The following METTL15 variants were observed in gnomAD, a reference collection of about 807,000 sequenced individuals.
METTL15 encodes methyltransferase 15, mitochondrial 12S rRNA N4-cytidine, also known as 12S rRNA N(4)-cytidine methyltransferase METTL15.
Under a neutral mutation model 38.3 loss-of-function variants are expected in METTL15, and 34 were observed. The observed-to-expected ratio is 0.89, with a 90% CI of 0.68 to 1.18. The LOEUF (loss-of-function observed/expected upper bound fraction) is 1.18, where lower values mean the gene tolerates loss of function less well. Among genes scored for constraint, METTL15 ranks in the 50% most tolerant of loss-of-function variants. METTL15 has a pLI of 0.00. For missense variants in METTL15, 438 were observed against 498.4 expected (o/e 0.88, Z 1.15); for synonymous variants, 162 against 170.9 (o/e 0.95, Z 0.41).
intron 6 of METTL15, among the ~76,000 whole-genome samples, chr11:28,299,118 C>T (rs1028083972): frequency 2.0e-5 from 3 of 152,172 alleles, no homozygotes; most frequent in African/African-American, 7.2e-5. Context: ...TTGATAAAAG[C>T]AGATAACTAT....
intron 6 of METTL15, among the ~76,000 whole-genome samples, chr11:28,499,675 G>A (rs1435421747): frequency 2.0e-5 from 3 of 151,768 alleles, no homozygotes; most frequent in Middle Eastern, 3.4e-3. Flanking sequence ...ATCACTTTGA[G>A]TTATGGCCTC....
chr11:28,179,684 G>A (rs1162101062), intron 3 of METTL15, among the ~76,000 whole-genome samples: 1 of 151,690 alleles, frequency 6.6e-6, no homozygotes, highest in Non-Finnish European at 1.5e-5. Flanking sequence ...TGGGCTTGTG[G>A]ATATTTTCTA....
chr11:28,502,100 CA>C (rs371738355), intron 6 of METTL15, among the ~76,000 whole-genome samples: 99 of 121,004 alleles, frequency 8.2e-4, no homozygotes, highest in Middle Eastern at 4.3e-3. Flanking sequence ...GACTCTGTCT[CA>C]AAAAAAAAAA....
chr11:28,163,463 C>G, intron 3 of METTL15: 1 of 398,096 alleles, frequency 2.5e-6, no homozygotes, highest in Non-Finnish European at 4.4e-6. Context: ...GTAACTCTCT[C>G]CCCATGCTGT....
At chr11:28,167,746 G>A (rs967893294) in intron 3 of METTL15, among the ~76,000 whole-genome samples, 1 of 150,098 alleles carries the variant, frequency 6.7e-6, no homozygotes, top group African/African-American at 2.5e-5. Flanking sequence ...TACTAGATAC[G>A]AAAAAATATA....
chr11:28,146,262 T>G (rs571280195), intron 3 of METTL15, among the ~76,000 whole-genome samples: 1 of 152,074 alleles, frequency 6.6e-6, no homozygotes, highest in Non-Finnish European at 1.5e-5. Context: ...CCTTTTGATC[T>G]TGCATCCTGG....
chr11:28,273,624 TTAA>T (rs2133961087), intron 4 of METTL15, among the ~76,000 whole-genome samples: 1 of 152,162 alleles, frequency 6.6e-6, no homozygotes, highest in East Asian at 1.9e-4. Context: ...GTACCTAAAA[TTAA>T]TAATAATTGA....
intron 6 of METTL15, among the ~76,000 whole-genome samples, chr11:28,430,287 C>A (rs1279139559): frequency 1.7e-4 from 24 of 140,200 alleles, no homozygotes; most frequent in African/African-American, 6.0e-4. Flanking sequence ...GGGGGTCAGC[C>A]CCCCCGCCCG....
At chr11:28,384,444 G>C (rs766623348) in intron 5 of METTL15, among the ~76,000 whole-genome samples, 1 of 152,022 alleles carries the variant, frequency 6.6e-6, no homozygotes, top group Non-Finnish European at 1.5e-5. Context: ...AAGTAGCTGG[G>C]ATTACAGACA....
intron 5 of METTL15, among the ~76,000 whole-genome samples, chr11:28,366,516 AC>A (rs1405027693): frequency 6.6e-6 from 1 of 152,114 alleles, no homozygotes; most frequent in Non-Finnish European, 1.5e-5. Flanking sequence ...GAAGACTACA[AC>A]TGCCATCAAT....
rs183400297 is a variant in METTL15, at chr11:28,222,630, A to G, written c.407+11432A>G. ...TCAGTTGGAAGTGCAGAAATCATCC[A>G]TCTTCTGCTTTGCTCATGCTGGGTG... On this transcript the variant is annotated intron_variant, in intron 4 of 6. Coordinates refer to ENST00000407364, the MANE Select transcript of METTL15 (RefSeq NM_001113528.2). 4.9e-3 allele frequency among the ~76,000 whole-genome samples: 738 copies of G among 152,152 alleles called. 3 individuals carry two copies. Among genetic ancestry groups the G allele is most frequent in the Non-Finnish European group, 8.4e-3 (572 of 67,998 alleles).
At chr11:28,139,355 C>G (rs1204516802) in intron 3 of METTL15, among the ~76,000 whole-genome samples, 1 of 152,008 alleles carries the variant, frequency 6.6e-6, no homozygotes, top group African/African-American at 2.4e-5. Flanking sequence ...ACAAGTCATC[C>G]CTAGTTCCTT....
chr11:28,351,738 T>C (rs1850043441), intron 3 of METTL15, among the ~76,000 whole-genome samples: 1 of 152,170 alleles, frequency 6.6e-6, no homozygotes, highest in African/African-American at 2.4e-5. Context: ...TCATATGTAA[T>C]GATGAAATAA....
In METTL15 at chr11:28,472,014, T is replaced by G. The variant is rs138777636; in HGVS notation, c.*424+47650T>G. 2.2e-3 allele frequency among the ~76,000 whole-genome samples: 338 copies of G among 152,270 alleles called. 4 individuals are homozygous for G. Among genetic ancestry groups the G allele is most frequent in the Admixed American group, 0.02 (308 of 15,274 alleles). Reference sequence around the variant, plus strand: ...AAGAGACTAAGATGTTGAAAAAGACTAAAATGTCCAGCTGGGATTCCTGCT... The same window carrying G: ...AAGAGACTAAGATGTTGAAAAAGACGAAAATGTCCAGCTGGGATTCCTGCT... On this transcript the variant is annotated intron_variant and NMD_transcript_variant, in intron 6 of 7. Coordinates refer to the METTL15 transcript ENST00000532947.
intron 3 of METTL15, among the ~76,000 whole-genome samples, chr11:28,209,693 T>G: frequency 6.6e-6 from 1 of 151,976 alleles, no homozygotes; most frequent in East Asian, 1.9e-4. Flanking sequence ...TTATGAGGAC[T>G]TGATCAGCGG....
At chr11:28,119,073 C>G (rs1169743490) in intron 3 of METTL15, among the ~76,000 whole-genome samples, 1 of 152,174 alleles carries the variant, frequency 6.6e-6, no homozygotes, top group Admixed American at 6.5e-5. Context: ...CTTCATCCTT[C>G]AGGCCTGGAG....
chr11:28,238,340 C>T (rs1471724466), intron 4 of METTL15, among the ~76,000 whole-genome samples: 4 of 152,200 alleles, frequency 2.6e-5, no homozygotes, highest in African/African-American at 7.2e-5. Context: ...CTGGCTGCCG[C>T]CTTGCAGTTT....
At chr11:28,369,079 C>A (rs1485687345) in intron 5 of METTL15, among the ~76,000 whole-genome samples, 2 of 151,916 alleles carry the variant, frequency 1.3e-5, no homozygotes, top group Non-Finnish European at 2.9e-5. Context: ...TGCAGCAAGC[C>A]ACCATGGCAC....
downstream of METTL15, among the ~76,000 whole-genome samples, chr11:28,337,647 GCA>G (rs1352281497): frequency 6.6e-6 from 1 of 152,064 alleles, no homozygotes; most frequent in Non-Finnish European, 1.5e-5. Context: ...AGTCATACAA[GCA>G]CTATTCATAG....
Sources: gnomAD v4.1 joint callset for allele counts (sites outside exome capture counted in the v4.1 genomes callset) on GRCh38, gnomAD v4.1.1 for gene constraint, MANE v1.5 for transcripts, NCBI Gene and HGNC (gene_info 2026-07-23, HGNC 2026-07-21) for gene names.